The following XRN1 variants were observed in gnomAD, a reference collection of about 807,000 sequenced individuals.
XRN1 encodes strand-exchange protein 1 homolog.
A neutral mutation model predicts 222.3 loss-of-function variants in XRN1; 67 were observed. The ratio of observed to expected loss-of-function variants is 0.30; its 90% CI spans 0.25 to 0.37. The LOEUF (loss-of-function observed/expected upper bound fraction) is 0.37. Among genes scored for constraint, XRN1 ranks in the 10% least tolerant of loss-of-function variants. The pLI is 1.00. For synonymous variants in XRN1, 643 were observed against 652.4 expected (o/e 0.99, Z 0.22); for missense variants, 1,707 against 2,000.2 (o/e 0.85, Z 2.80).
At chr3:142,341,362 C>T (rs749568051) in intron 33 of XRN1, among the ~76,000 whole-genome samples, 1 of 151,508 alleles carries the variant, frequency 6.6e-6, no homozygotes, top group African/African-American at 2.4e-5. Flanking sequence ...TAAAAGGAAG[C>T]TAGGAAAGGA....
Position 142,320,895 on chromosome 3 carries a change from G to GA in XRN1, c.4405-1993dup, listed in dbSNP as rs1245839533. ...CCTGTGCTTCTGGTGTCATATCCCA[G>GA]AAATCACTGCCAAATCCAATGTTGT... On this transcript the variant is annotated intron_variant, in intron 37 of 40. Transcript: ENST00000392981. Among the ~76,000 whole-genome samples, 5 of 152,038 alleles carry GA rather than the reference G, an allele frequency of 3.3e-5. No homozygotes were observed. The East Asian group carries it at 5.8e-4, about 18-fold the overall frequency.
intron 33 of XRN1, among the ~76,000 whole-genome samples, chr3:142,339,760 A>G (rs1177666090): frequency 6.6e-6 from 1 of 152,028 alleles, no homozygotes; most frequent in Admixed American, 6.6e-5. Context: ...ACGTAATAGT[A>G]CCACTGCACT....
chr3:142,388,023 T>C (rs2107963239), intron 20 of XRN1, among the ~76,000 whole-genome samples: 1 of 152,308 alleles, frequency 6.6e-6, no homozygotes, highest in African/African-American at 2.4e-5. Flanking sequence ...CTGCAGAACT[T>C]TGAGCCAAAC....
intron 2 of XRN1, among the ~76,000 whole-genome samples, chr3:142,431,906 A>G (rs1559879711): frequency 1.4e-4 from 5 of 36,912 alleles, no homozygotes; most frequent in Non-Finnish European, 2.3e-4. Context: ...TATATATTAT[A>G]TATATAAATA....
At chr3:142,351,930 T>C (rs1017107772) in intron 32 of XRN1, among the ~76,000 whole-genome samples, 5 of 150,334 alleles carry the variant, frequency 3.3e-5, no homozygotes, top group African/African-American at 1.2e-4. Context: ...GGTCCCAGAA[T>C]CGGCCTCACC....
chr3:142,311,343 A>G lies in XRN1; in HGVS notation c.*168T>C. ...ACTTAAAGTGCACAATTTGATACACAGTCTTTTAAACAGCATGAAAAGTGC... is the reference window on the plus strand; with the variant it reads ...ACTTAAAGTGCACAATTTGATACACGGTCTTTTAAACAGCATGAAAAGTGC... On this transcript the variant is annotated 3_prime_UTR_variant, in exon 41 of 41. Coordinates refer to ENST00000392981, the MANE Select transcript of XRN1 (RefSeq NM_001282857.2). The G allele has an allele frequency of 3.7e-6, 2 of 546,980 alleles. No individual in the cohort carries two copies. Among genetic ancestry groups the G allele is most frequent in the Non-Finnish European group, 3.0e-6 (1 of 331,546 alleles). The allele number at this position is 546,980 out of a possible 1,614,324, so 33.9% of individuals were successfully genotyped here.
At chr3:142,313,942 T>C (rs2065140648) in intron 39 of XRN1, among the ~76,000 whole-genome samples, 1 of 152,090 alleles carries the variant, frequency 6.6e-6, no homozygotes, top group African/African-American at 2.4e-5. Flanking sequence ...CTAAGAAAAG[T>C]AGAAAATTAG....
At chr3:142,351,330 TGAC>T (rs1196596522) in intron 32 of XRN1, among the ~76,000 whole-genome samples, 1 of 152,126 alleles carries the variant, frequency 6.6e-6, no homozygotes, top group Non-Finnish European at 1.5e-5. Flanking sequence ...GGTATTCCAA[TGAC>T]AAGTGAAGAA....
Position 142,404,997 on chromosome 3 carries a change from C to T in XRN1, c.1793G>A (p.Cys598Tyr). ...GTCTCTATCATACCAGCACATTAGG[C>T]ACTCACTATGTTGGTTTCTTTTCCT... ...EERKRNQHSE[C>Y]LMCWYDRDTE... is the part of the protein sequence containing the mutation. Residue 598 changes from cysteine (C) to tyrosine (Y), a missense_variant, in exon 16 of 41, where the codon TGC (cysteine) becomes TAC (tyrosine). By Grantham distance (194) the Cys-to-Tyr change is radical. This residue lies in a region of XRN1 where 1,234 missense variants were observed against 1,518.2 expected (regional missense o/e 0.81). Transcript: ENST00000392981. 1 of 1,613,906 alleles carries T rather than the reference C, an allele frequency of 6.2e-7. No homozygotes were observed.
At chr3:142,358,031 C>G (rs1199077631) in intron 30 of XRN1, among the ~76,000 whole-genome samples, 1 of 152,066 alleles carries the variant, frequency 6.6e-6, no homozygotes. Context: ...GTGTGAGAAT[C>G]TGTCTCAAAA....
At chr3:142,343,520 A>T (rs1281765380) in intron 33 of XRN1, among the ~76,000 whole-genome samples, 1 of 152,128 alleles carries the variant, frequency 6.6e-6, no homozygotes, top group Non-Finnish European at 1.5e-5. Context: ...TGCAAATCAA[A>T]ACTATAATGA....
intron 34 of XRN1, 33 bp downstream of exon 34, chr3:142,335,415 G>A (rs753479950): frequency 6.3e-7 from 1 of 1,597,800 alleles, no homozygotes; most frequent in Non-Finnish European, 8.6e-7. Context: ...TTAAAAAATT[G>A]GTAACTAGAA....
At chr3:142,436,303 A>G (rs551664522) in intron 1 of XRN1, among the ~76,000 whole-genome samples, 79 of 152,176 alleles carry the variant, frequency 5.2e-4, no homozygotes, top group Non-Finnish European at 8.4e-4. Flanking sequence ...AATGGCTGGC[A>G]TTTATTATGC....
chr3:142,358,252 T>C (rs1248586511), intron 30 of XRN1, among the ~76,000 whole-genome samples: 2 of 152,128 alleles, frequency 1.3e-5, no homozygotes, highest in Non-Finnish European at 2.9e-5. Flanking sequence ...CTTAAAGTTC[T>C]GGGCCTGTAC....
chr3:142,323,933 A>G (rs1328900847), intron 37 of XRN1, among the ~76,000 whole-genome samples: 1 of 151,992 alleles, frequency 6.6e-6, no homozygotes, highest in Non-Finnish European at 1.5e-5. Context: ...GGTACATGTG[A>G]TATTTTGATA....
At position 142,332,918 on chromosome 3, in the gene XRN1, C is replaced by A; in HGVS notation, c.4062+49G>T. 3 of 1,602,482 alleles carry A rather than the reference C, an allele frequency of 1.9e-6. No individual in the cohort carries two copies. The South Asian group carries it at 3.4e-5, about 18-fold the overall frequency. On this transcript the variant is annotated intron_variant, in intron 35 of 40. Coordinates refer to ENST00000392981, the MANE Select transcript of XRN1 (RefSeq NM_001282857.2). ...CTTGCATGGGATATGTCTGCATGGT[C>A]AACAGTCGAGAAATTACCACAGTAA...
chr3:142,332,816 C>T (rs2065738040), intron 35 of XRN1, 151 bp downstream of exon 35: 1 of 1,223,580 alleles, frequency 8.2e-7, no homozygotes, highest in Non-Finnish European at 1.1e-6. Context: ...GCTAAATTGC[C>T]CAGGGCAGCC....
chr3:142,399,428 A>G (rs904682781), intron 19 of XRN1, among the ~76,000 whole-genome samples: 2 of 152,106 alleles, frequency 1.3e-5, no homozygotes, highest in Non-Finnish European at 2.9e-5. Context: ...CTTATACCTT[A>G]TACAAAAATT....
chr3:142,330,575 A>G (rs1197193727), intron 36 of XRN1, among the ~76,000 whole-genome samples: 1 of 151,552 alleles, frequency 6.6e-6, no homozygotes, highest in Non-Finnish European at 1.5e-5. Flanking sequence ...AGTGACCCTA[A>G]GACTCTAAAG....
Sources: allele counts gnomAD v4.1 joint callset (sites outside exome capture counted in the v4.1 genomes callset), GRCh38; gene constraint gnomAD v4.1.1; regional missense constraint gnomAD v4.1.1; transcripts MANE v1.5; gene names NCBI Gene and HGNC (gene_info 2026-07-23, HGNC 2026-07-21).